The following RTCA variants were observed in gnomAD, a reference collection of about 807,000 sequenced individuals.
RTCA encodes the protein RNA 3'-terminal phosphate cyclase, also known as RNA terminal phosphate cyclase domain 1.
In RTCA, 37 loss-of-function variants were observed where a neutral mutation model predicts 46.1. The ratio of observed to expected loss-of-function variants is 0.80; its 90% CI spans 0.62 to 1.06. The LOEUF is 1.06. RTCA is among the 50% of genes least tolerant of loss of function. RTCA has a pLI of 0.00. For missense variants in RTCA, 435 were observed against 455.5 expected (o/e 0.95, Z 0.41); for synonymous variants, 164 against 158.3 (o/e 1.04, Z -0.27).
rs201689733 is a variant in RTCA, at chr1:100,266,670, G to A, written c.146+46G>A. ...AGTTGGGCCGTGAAGCTGGGGGATC[G>A]GGGGGTCGGGCTGCCGGGCTGGGGC... On this transcript the variant is annotated intron_variant, in intron 2 of 10. Transcript: ENST00000370128. 6.2e-5 allele frequency: 92 copies of A among 1,491,988 alleles called. No individual in the cohort carries two copies. In the African/African-American group the frequency reaches 1.1e-3, roughly 19 times the overall value. 92.4% of individuals were successfully genotyped at this position (1,491,988 alleles called of 1,614,324 possible).
chr1:100,281,878 G>T (rs1346307045), intron 8 of RTCA, among the ~76,000 whole-genome samples: 1 of 152,022 alleles, frequency 6.6e-6, no homozygotes, highest in Non-Finnish European at 1.5e-5. Context: ...CACCATGCCG[G>T]CTAATTTTTG....
chr1:100,266,849 C>G, intron 2 of RTCA: 1 of 549,122 alleles, frequency 1.8e-6, no homozygotes, highest in Non-Finnish European at 3.3e-6. Context: ...CTCTGTTTGA[C>G]TAAATAGTGT....
At chr1:100,286,482 A>G (rs1015689247) in intron 9 of RTCA, among the ~76,000 whole-genome samples, 7 of 150,522 alleles carry the variant, frequency 4.7e-5, no homozygotes, top group Non-Finnish European at 8.8e-5. Context: ...AAAAACGAAA[A>G]ACAAAAAAAA....
intron 6 of RTCA, 60 bp from the exon 7 acceptor site, chr1:100,275,539 A>G: frequency 7.1e-7 from 1 of 1,402,074 alleles, no homozygotes. Context: ...GAAGTCTTGA[A>G]AACAATTTTC....
At chr1:100,271,887 C>G (rs767523768) in intron 4 of RTCA, among the ~76,000 whole-genome samples, 13 of 152,174 alleles carry the variant, frequency 8.5e-5, no homozygotes, top group Non-Finnish European at 1.5e-4. Context: ...GATCTGTTTT[C>G]TGTCATAGTT....
At position 100,291,462 on chromosome 1, in the gene RTCA, T is replaced by C; in HGVS notation, c.1059T>C (p.Ile353=). 1.9e-6 allele frequency: 3 copies of C among 1,612,310 alleles called. No individual in the cohort carries two copies. The highest frequency in any genetic ancestry group is 1.7e-6 in the Non-Finnish European group (2 of 1,179,198). ...DEEDAAKDTY[I]IECQGIGMTN... ...AAGACGCCGCTAAAGATACTTATATTATTGAATGCCAAGGAATTGGGATGA... is the reference window on the plus strand; with the variant it reads ...AAGACGCCGCTAAAGATACTTATATCATTGAATGCCAAGGAATTGGGATGA... Residue 353 remains isoleucine (I), a synonymous_variant, in exon 11 of 11, where the codon ATT becomes ATC. Coordinates refer to ENST00000370128, the MANE Select transcript of RTCA (RefSeq NM_003729.4).
In RTCA at chr1:100,266,600, C is replaced by G. The variant is rs1282514788; in HGVS notation, c.122C>G (p.Ala41Gly). ...CCCTTGCGGGTGCAGAAGATCCGAGCCGGCCGGAGCACGCCAGGCCTGAGG... is the reference window on the plus strand; with the variant it reads ...CCCTTGCGGGTGCAGAAGATCCGAGGCGGCCGGAGCACGCCAGGCCTGAGG... ...GLPLRVQKIR[A>G]GRSTPGLRPQ... The change falls in exon 2 of 11, where the codon GCC (alanine) becomes GGC (glycine). Residue 41 changes from alanine to glycine, a missense_variant. Transcript: ENST00000370128. 6.2e-7 allele frequency: 1 copy of G among 1,613,436 alleles called. No individual in the cohort carries two copies.
chr1:100,266,241 C>A lies in RTCA; in HGVS notation c.-135C>A. ...AGTGTCCCGAGAGGCGCCGCTTCTT[C>A]CGCTTTCTCGTCAGGCTCCTGCGCC... On this transcript the variant is annotated 5_prime_UTR_variant, in exon 1 of 11. Transcript: ENST00000370128. 1 of 1,078,800 alleles carries A rather than the reference C, an allele frequency of 9.3e-7. No individual in the cohort carries two copies. Among genetic ancestry groups the A allele is most frequent in the Non-Finnish European group, 1.3e-6 (1 of 754,218 alleles). The allele number at this position is 1,078,800 out of a possible 1,614,324, so 66.8% of individuals were successfully genotyped here. A position where few individuals can be genotyped will look rare whatever the true frequency, so the allele number is the denominator to read the frequency against.
chr1:100,266,623 A>T lies in RTCA; in HGVS notation c.145A>T (p.Arg49Trp). ...IRAGRSTPGL[R>W]PQHLSGLEMI... is the part of the protein sequence containing the mutation. ...AGCCGGCCGGAGCACGCCAGGCCTGAGGTAAATCTGGCTGGAGGGGGAGTT... is the reference window on the plus strand; with the variant it reads ...AGCCGGCCGGAGCACGCCAGGCCTGTGGTAAATCTGGCTGGAGGGGGAGTT... Residue 49 changes from arginine to tryptophan, a missense_variant and splice_region_variant, in exon 2 of 11, where the codon AGG (arginine) becomes TGG (tryptophan). Transcript: ENST00000370128. 5.0e-6 allele frequency: 8 copies of T among 1,606,516 alleles called. No homozygotes were observed. The highest frequency in any genetic ancestry group is 6.8e-6 in the Non-Finnish European group (8 of 1,176,148).
At chr1:100,287,783 C>T (rs1388436421) in intron 10 of RTCA, among the ~76,000 whole-genome samples, 1 of 140,192 alleles carries the variant, frequency 7.1e-6, no homozygotes, top group African/African-American at 2.7e-5. Flanking sequence ...TCATACCTTT[C>T]CTACAGGATT....
rs200179882 is a variant in RTCA at position 100,266,672 on chromosome 1, G to A, written c.146+48G>A. On this transcript the variant is annotated intron_variant, in intron 2 of 10. Coordinates refer to ENST00000370128, the MANE Select transcript of RTCA (RefSeq NM_003729.4). ...TTGGGCCGTGAAGCTGGGGGATCGGGGGGTCGGGCTGCCGGGCTGGGGCAT... is the reference window on the plus strand; with the variant it reads ...TTGGGCCGTGAAGCTGGGGGATCGGAGGGTCGGGCTGCCGGGCTGGGGCAT... 11 of 1,504,564 alleles carry A rather than the reference G, an allele frequency of 7.3e-6. No homozygotes were observed. In the African/African-American group the frequency reaches 1.5e-4, roughly 21 times the overall value. The allele number at this position is 1,504,564 out of a possible 1,614,324, so 93.2% of individuals were successfully genotyped here.
chr1:100,268,271 A>G lies in RTCA; in HGVS notation c.266A>G (p.His89Arg). The stretch of plus-strand genomic sequence containing the variant: ...CCAGAGAAGATCAAAGGTGGAATCC[A>G]CACAGCAGATACCAAGACAGCAGGG... ...FTPEKIKGGI[H>R]TADTKTAGSV... The change falls in exon 3 of 11, where the codon CAC becomes CGC. Residue 89 changes from histidine (H) to arginine (R), a missense_variant. His to Arg is a conservative substitution (Grantham distance 29). Coordinates refer to ENST00000370128, the MANE Select transcript of RTCA (RefSeq NM_003729.4). 6.2e-7 allele frequency: 1 copy of G among 1,613,790 alleles called. No individual in the cohort carries two copies. The highest frequency in any genetic ancestry group is 8.5e-7 in the Non-Finnish European group (1 of 1,179,820).
At chr1:100,289,313 T>C (rs1234564700) in intron 10 of RTCA, among the ~76,000 whole-genome samples, 1 of 151,630 alleles carries the variant, frequency 6.6e-6, no homozygotes, top group Non-Finnish European at 1.5e-5. Flanking sequence ...TTTGTTTTTG[T>C]TTTTGTTTTT....
chr1:100,272,044 G>A (rs972138178), intron 4 of RTCA, among the ~76,000 whole-genome samples: 1 of 152,290 alleles, frequency 6.6e-6, no homozygotes, highest in South Asian at 2.1e-4. Context: ...GTATATGGAT[G>A]TACCAGTTTG....
At chr1:100,286,412 G>A (rs1014414661) in intron 9 of RTCA, among the ~76,000 whole-genome samples, 7 of 127,206 alleles carry the variant, frequency 5.5e-5, no homozygotes, top group African/African-American at 1.6e-4. Flanking sequence ...CCGAGAATGC[G>A]CCACTGCACT....
chr1:100,291,598 T>TA lies in RTCA; in HGVS notation c.*94_*95insA. ...CTAGGAAGTAACTTATTAAAGGCTA[T>TA]GACTTAAATTTGAAGATGAAGTACA... On this transcript the variant is annotated 3_prime_UTR_variant, in exon 11 of 11. Coordinates refer to ENST00000370128, the MANE Select transcript of RTCA (RefSeq NM_003729.4). 5.1e-6 allele frequency: 4 copies of TA among 783,618 alleles called. No individual in the cohort carries two copies. The highest frequency in any genetic ancestry group is 8.2e-6 in the Non-Finnish European group (4 of 485,220). 48.5% of individuals were successfully genotyped at this position (783,618 alleles called of 1,614,324 possible). A position where few individuals can be genotyped will look rare whatever the true frequency, so the allele number is the denominator to read the frequency against.
chr1:100,280,976 T>G (rs992961011), intron 8 of RTCA, among the ~76,000 whole-genome samples: 6 of 152,118 alleles, frequency 3.9e-5, no homozygotes, highest in African/African-American at 1.2e-4. Context: ...ACCACTGCAC[T>G]CCAGCCTAGG....
At chr1:100,287,287 T>C (rs1410037405) in intron 10 of RTCA, 84 bp downstream of exon 10, 1 of 906,672 alleles carries the variant, frequency 1.1e-6, no homozygotes, top group Non-Finnish European at 1.6e-6. Context: ...GGAAACTTAA[T>C]AGTAATCATA....
At chr1:100,290,391 A>T (rs942132158) in intron 10 of RTCA, among the ~76,000 whole-genome samples, 1 of 152,160 alleles carries the variant, frequency 6.6e-6, no homozygotes. Flanking sequence ...GGTGTGCACC[A>T]CTGCACCTGG....
Sources: allele counts gnomAD v4.1 joint callset (sites outside exome capture counted in the v4.1 genomes callset), GRCh38; gene constraint gnomAD v4.1.1; transcripts MANE v1.5; gene names NCBI Gene and HGNC (gene_info 2026-07-23, HGNC 2026-07-21).